ADGRL2: variants seen among roughly 807,000 people sequenced by gnomAD.
ADGRL2 encodes adhesion G protein-coupled receptor L2, also known as calcium-independent alpha-latrotoxin receptor 2.
Under a neutral mutation model 157.4 loss-of-function variants are expected in ADGRL2, and 44 were observed. The ratio of observed to expected loss-of-function variants is 0.28; its 90% confidence interval spans 0.22 to 0.36. ADGRL2 has a LOEUF of 0.36. Ranked by LOEUF, ADGRL2 falls within the 10% of genes least tolerant of loss-of-function variation. The probability of loss-of-function intolerance (pLI) is 1.00; values close to 1 mark genes in which losing one functional copy is unlikely to be tolerated. For synonymous variants in ADGRL2, 585 were observed against 624.7 expected, an observed-to-expected ratio of 0.94 and a Z score of 0.95; for missense variants, 1,510 against 1,768.9, an observed-to-expected ratio of 0.85 and a Z score of 2.63.
intron 2 of ADGRL2, among the ~76,000 whole-genome samples, chr1:81,547,475 T>G (rs748188012): frequency 2.0e-5 from 3 of 152,202 alleles, no homozygotes; most frequent in Admixed American, 6.5e-5. Flanking sequence ...TTCTCTGTCT[T>G]CTACCAAGAA....
At chr1:81,462,664 C>T (rs1383677370) in intron 2 of ADGRL2, among the ~76,000 whole-genome samples, 1 of 152,164 alleles carries the variant, frequency 6.6e-6, no homozygotes, top group Non-Finnish European at 1.5e-5. Context: ...TCTTGCTCCT[C>T]AGATTTTCCA....
intron 1 of ADGRL2, among the ~76,000 whole-genome samples, chr1:81,359,258 T>C (rs1426527824): frequency 6.6e-6 from 1 of 152,050 alleles, no homozygotes; most frequent in Non-Finnish European, 1.5e-5. Flanking sequence ...GATTACTTCA[T>C]TCTGATACGT....
chr1:81,926,498 C>G (rs1446248609), intron 3 of ADGRL2, among the ~76,000 whole-genome samples: 2 of 151,954 alleles, frequency 1.3e-5, no homozygotes, highest in African/African-American at 4.8e-5. Context: ...ATAGCGATTT[C>G]CCATTTCCCT....
chr1:81,978,535 A>C (rs1660799923), intron 17 of ADGRL2, among the ~76,000 whole-genome samples: 1 of 151,744 alleles, frequency 6.6e-6, no homozygotes, highest in African/African-American at 2.4e-5. Context: ...TTTATCCCTT[A>C]AGAGGGAATT....
chr1:81,767,638 G>A (rs982525382), intron 2 of ADGRL2, among the ~76,000 whole-genome samples: 5 of 151,964 alleles, frequency 3.3e-5, no homozygotes, highest in Non-Finnish European at 5.9e-5. Flanking sequence ...TTGGGAGGTC[G>A]AGGCAGGAGG....
intron 1 of ADGRL2, among the ~76,000 whole-genome samples, chr1:81,727,563 G>A (rs536517766): frequency 6.6e-6 from 1 of 152,072 alleles, no homozygotes; most frequent in East Asian, 1.9e-4. Context: ...CTCCCAAGTA[G>A]CTGGGATTAC....
At chr1:81,958,661 A>G (rs569078387) in intron 11 of ADGRL2, among the ~76,000 whole-genome samples, 100 of 152,322 alleles carry the variant, frequency 6.6e-4, no homozygotes, top group Non-Finnish European at 1.2e-3. Flanking sequence ...AATATGCAAT[A>G]AGAGCACCTG....
intron 3 of ADGRL2, among the ~76,000 whole-genome samples, chr1:81,932,767 C>G (rs960243510): frequency 1.3e-5 from 2 of 152,122 alleles, no homozygotes; most frequent in African/African-American, 2.4e-5. Flanking sequence ...AATCTCAGCT[C>G]ACTGCAACCT....
At chr1:81,373,983 T>TA (rs972021377) in intron 1 of ADGRL2, among the ~76,000 whole-genome samples, 3 of 152,108 alleles carry the variant, frequency 2.0e-5, no homozygotes, top group Non-Finnish European at 4.4e-5. Context: ...ACATAAATCT[T>TA]AGATTCAAGG....
intron 1 of ADGRL2, chr1:81,306,535 C>T (rs950351492): frequency 1.3e-5 from 2 of 152,038 alleles, no homozygotes; most frequent in Admixed American, 6.6e-5. Context: ...CTTCTAAAGA[C>T]GTGTGTAATG....
intron 1 of ADGRL2, among the ~76,000 whole-genome samples, chr1:81,723,657 C>T (rs564748016): frequency 1.6e-3 from 249 of 152,234 alleles, no homozygotes; most frequent in Middle Eastern, 3.4e-3. Flanking sequence ...ATGCTTTATC[C>T]TTTTCTTTAA....
chr1:81,587,832 G>A (rs951149525), intron 3 of ADGRL2, among the ~76,000 whole-genome samples: 6 of 152,062 alleles, frequency 3.9e-5, no homozygotes, highest in African/African-American at 1.4e-4. Context: ...ATTAAGGAGG[G>A]ATTTTAGGTT....
At chr1:81,677,632 A>G (rs1301013310) in intron 3 of ADGRL2, among the ~76,000 whole-genome samples, 1 of 151,876 alleles carries the variant, frequency 6.6e-6, no homozygotes, top group East Asian at 1.9e-4. Context: ...TCTCAATTAT[A>G]TTTTCTTCTT....
intron 1 of ADGRL2, among the ~76,000 whole-genome samples, chr1:81,705,875 C>A (rs1419347057): frequency 1.3e-5 from 2 of 152,100 alleles, no homozygotes; most frequent in African/African-American, 2.4e-5. Context: ...GAGCTATATG[C>A]ACTCCAGCCT....
At chr1:81,517,238 C>T (rs980033035) in intron 2 of ADGRL2, among the ~76,000 whole-genome samples, 2 of 151,630 alleles carry the variant, frequency 1.3e-5, no homozygotes, top group Admixed American at 6.6e-5. Context: ...TTTGGGAGGC[C>T]GAGGTGGGCA....
intron 1 of ADGRL2, among the ~76,000 whole-genome samples, chr1:81,733,711 AC>A (rs1271934628): frequency 6.6e-6 from 1 of 151,964 alleles, no homozygotes; most frequent in African/African-American, 2.4e-5. Flanking sequence ...GCATCCTTCT[AC>A]CCCCTGCTAA....
At chr1:81,745,632 G>C (rs990324072) in intron 1 of ADGRL2, among the ~76,000 whole-genome samples, 9 of 152,082 alleles carry the variant, frequency 5.9e-5, no homozygotes, top group South Asian at 2.1e-4. Context: ...ACAGATAATA[G>C]GGTTCTACCT....
chr1:81,676,853 AT>A (rs937209634), intron 3 of ADGRL2, among the ~76,000 whole-genome samples: 1 of 149,888 alleles, frequency 6.7e-6, no homozygotes. Flanking sequence ...CACCTGGCTA[AT>A]TTTTTTTGTA....
intron 3 of ADGRL2, among the ~76,000 whole-genome samples, chr1:81,587,245 A>G (rs947174266): frequency 7.2e-5 from 11 of 152,150 alleles, no homozygotes; most frequent in Admixed American, 2.6e-4. Context: ...TTAATAAACA[A>G]TAACAAAGAA....
Sources: gnomAD v4.1 joint callset for allele counts (sites outside exome capture counted in the v4.1 genomes callset) on GRCh38, gnomAD v4.1.1 for gene constraint, MANE v1.5 for transcripts, NCBI Gene and HGNC (gene_info 2026-07-23, HGNC 2026-07-21) for gene names.